STK31: variants seen among roughly 807,000 people sequenced by gnomAD.
STK31 encodes serine/threonine kinase 31.
In STK31, 89 loss-of-function variants were observed where a neutral mutation model predicts 129.7. The observed-to-expected ratio is 0.69, with a 90% confidence interval of 0.58 to 0.82. The LOEUF (loss-of-function observed/expected upper bound fraction) is 0.82. Among genes scored for constraint, STK31 ranks in the 40% least tolerant of loss-of-function variants. STK31 has a pLI of 0.00. For synonymous variants in STK31, 448 were observed against 395.3 expected, an observed-to-expected ratio of 1.13 and a Z score of -1.58; for missense variants, 1,187 against 1,176.4, an observed-to-expected ratio of 1.01 and a Z score of -0.13.
intron 22 of STK31, among the ~76,000 whole-genome samples, chr7:23,814,903 G>A (rs1584491641): frequency 6.6e-6 from 1 of 152,264 alleles, no homozygotes; most frequent in African/African-American, 2.4e-5. Context: ...CTTATAAGGT[G>A]AGGAAATATT....
At chr7:23,791,655 A>G (rs936268757) in intron 22 of STK31, among the ~76,000 whole-genome samples, 1 of 152,230 alleles carries the variant, frequency 6.6e-6, no homozygotes, top group Admixed American at 6.5e-5. Flanking sequence ...AGCTTGTTTC[A>G]TGTTGTACTG....
chr7:23,777,609 T>TA (rs1413538404), intron 15 of STK31, among the ~76,000 whole-genome samples: 2 of 151,568 alleles, frequency 1.3e-5, no homozygotes, highest in African/African-American at 4.8e-5. Context: ...TATTTTTTTT[T>TA]ATCTTCGTTG....
chr7:23,814,954 T>C (rs1405083335), intron 22 of STK31, among the ~76,000 whole-genome samples, 190 bp from the exon 23 acceptor site: 3 of 152,148 alleles, frequency 2.0e-5, no homozygotes, highest in Non-Finnish European at 2.9e-5. Flanking sequence ...ATCGGTACTT[T>C]AGGAGCCCCA....
rs13437862 is a variant in STK31 at position 23,815,223 on chromosome 7, T to C, written c.2829+11T>C. ...GATCAGTTTCATCTGGTATGTGACC[T>C]TTTTGACATTTACTGGTTTGAAACA... On this transcript the variant is annotated intron_variant, in intron 23 of 23. Coordinates refer to ENST00000355870, the MANE Select transcript of STK31 (RefSeq NM_031414.5). 1 of 1,455,780 alleles carries C rather than the reference T, an allele frequency of 6.9e-7. No individual in the cohort carries two copies. Among genetic ancestry groups the C allele is most frequent in the Non-Finnish European group, 9.4e-7 (1 of 1,066,368 alleles). 90.2% of individuals were successfully genotyped at this position (1,455,780 alleles called of 1,614,324 possible).
chr7:23,790,974 CATAT>C, intron 22 of STK31, 28 bp downstream of exon 22: 1 of 1,441,048 alleles, frequency 6.9e-7, no homozygotes, highest in Non-Finnish European at 9.2e-7. Context: ...TGAAATAGAT[CATAT>C]ATATATATAT....
chr7:23,791,353 T>C (rs1400155878), intron 22 of STK31: 2 of 973,790 alleles, frequency 2.1e-6, no homozygotes, highest in African/African-American at 3.5e-5. Flanking sequence ...ACCATTATCC[T>C]AAGCGAATTT....
At chr7:23,823,078 G>A (rs549101618) in intron 23 of STK31, among the ~76,000 whole-genome samples, 4 of 152,276 alleles carry the variant, frequency 2.6e-5, no homozygotes, top group Admixed American at 2.0e-4. Context: ...TGTCTTTATA[G>A]CAGCATGATT....
At chr7:23,733,651 T>C (rs906537398) in intron 6 of STK31, among the ~76,000 whole-genome samples, 2 of 151,600 alleles carry the variant, frequency 1.3e-5, no homozygotes, top group Non-Finnish European at 2.9e-5. Flanking sequence ...TACTACAAAA[T>C]ACAAAAAATT....
intron 11 of STK31, among the ~76,000 whole-genome samples, chr7:23,768,583 G>T (rs540332395): frequency 6.2e-4 from 94 of 152,278 alleles, no homozygotes; most frequent in African/African-American, 2.1e-3. Context: ...AGTGGTGGAT[G>T]TTGAGAAATT....
At chr7:23,828,988 C>A (rs1220471671) in intron 23 of STK31, among the ~76,000 whole-genome samples, 1 of 152,014 alleles carries the variant, frequency 6.6e-6, no homozygotes, top group African/African-American at 2.4e-5. Flanking sequence ...CAACCTCCAC[C>A]TCCTGGGTTC....
Position 23,815,205 on chromosome 7 carries a change from T to G in STK31, c.2822T>G (p.Phe941Cys). The change falls in exon 23 of 24, where the codon TTT (phenylalanine) becomes TGT (cysteine). Residue 941 changes from phenylalanine to cysteine, a missense_variant. Coordinates refer to ENST00000355870, the MANE Select transcript of STK31 (RefSeq NM_031414.5). ...GATGGAATCCCCAAAGTGGATCAGT[T>G]TCATCTGGTATGTGACCTTTTTGAC... ...NKDGIPKVDQ[F>C]HLDDKVKSLL... The G allele has an allele frequency of 6.3e-7, 1 of 1,577,090 alleles. No homozygotes were observed. Among genetic ancestry groups the G allele is most frequent in the Non-Finnish European group, 8.6e-7 (1 of 1,163,010 alleles).
rs73080923 is a variant in STK31 at position 23,713,018 on chromosome 7, A to G, written c.150+732A>G. On this transcript the variant is annotated intron_variant, in intron 3 of 23. Coordinates refer to ENST00000355870, the MANE Select transcript of STK31 (RefSeq NM_031414.5). ...GGAGAATATATGAGAAGAAAGTTCTAGAAGAATATGATTAACCCAGAGTTC... is the reference window on the plus strand; with the variant it reads ...GGAGAATATATGAGAAGAAAGTTCTGGAAGAATATGATTAACCCAGAGTTC... Among the ~76,000 whole-genome samples, 1,445 of 152,322 alleles carry G rather than the reference A, an allele frequency of 9.5e-3. 5 individuals carry two copies. Among genetic ancestry groups the G allele is most frequent in the South Asian group, 0.026 (124 of 4,826 alleles).
chr7:23,805,657 A>T (rs1370992755), intron 22 of STK31, among the ~76,000 whole-genome samples: 7 of 150,880 alleles, frequency 4.6e-5, no homozygotes, highest in Admixed American at 2.6e-4. Context: ...TCATTTTTGA[A>T]TTTTTTTTGT....
At chr7:23,710,422 G>A (rs570947448) in intron 1 of STK31, 87 bp downstream of exon 1, 1 of 1,600,550 alleles carries the variant, frequency 6.2e-7, no homozygotes, top group Admixed American at 1.8e-5. Flanking sequence ...CTCCAATCCT[G>A]GGACGAGGCC....
intron 22 of STK31, among the ~76,000 whole-genome samples, chr7:23,797,030 A>T (rs189835088): frequency 6.6e-6 from 1 of 152,334 alleles, no homozygotes; most frequent in African/African-American, 2.4e-5. Flanking sequence ...GCATTACATA[A>T]TGGAAAAGGG....
At chr7:23,822,097 T>C (rs1451197981) in intron 23 of STK31, among the ~76,000 whole-genome samples, 1 of 152,242 alleles carries the variant, frequency 6.6e-6, no homozygotes, top group Non-Finnish European at 1.5e-5. Flanking sequence ...TTCTTTTTGC[T>C]GATAACTGTT....
chr7:23,714,310 G>C (rs1370296385), intron 3 of STK31, among the ~76,000 whole-genome samples: 2 of 152,156 alleles, frequency 1.3e-5, no homozygotes, highest in Admixed American at 1.3e-4. Flanking sequence ...CTCTGTATTA[G>C]TGACAACTGC....
intron 10 of STK31, among the ~76,000 whole-genome samples, chr7:23,759,756 A>G (rs962093517): frequency 2.0e-5 from 3 of 152,222 alleles, no homozygotes; most frequent in African/African-American, 7.2e-5. Context: ...ATAACTTATG[A>G]TTGTCAAACT....
rs531392244 is a variant in STK31 at position 23,762,130 on chromosome 7, C to G, written c.1294-671C>G. On this transcript the variant is annotated intron_variant, in intron 10 of 23. Transcript: ENST00000355870. ...ATTTTACTTTTAGGGTACATGTGCACAATGTGCAGGTTAGTTACATATGTA... is the reference window on the plus strand; with the variant it reads ...ATTTTACTTTTAGGGTACATGTGCAGAATGTGCAGGTTAGTTACATATGTA... 2.0e-5 allele frequency among the ~76,000 whole-genome samples: 3 copies of G among 151,554 alleles called. 1 individual carries two copies. In the South Asian group the frequency reaches 6.3e-4, roughly 32 times the overall value.
Sources: gnomAD v4.1 joint callset for allele counts (sites outside exome capture counted in the v4.1 genomes callset) on GRCh38, gnomAD v4.1.1 for gene constraint, MANE v1.5 for transcripts, NCBI Gene and HGNC (gene_info 2026-07-23, HGNC 2026-07-21) for gene names.